Variants in EHD4 observed in about 807,000 individuals in gnomAD.
EHD4 encodes EH domain containing 4, also known as EH domain-containing protein 4.
EHD4 carries 37 observed loss-of-function variants against 51.0 expected under a neutral mutation model. That is an observed-to-expected ratio of 0.73 (90% confidence interval 0.56 to 0.95). The LOEUF is 0.95. Among genes scored for constraint, EHD4 ranks in the 40% least tolerant of loss-of-function variants. The pLI, the probability that EHD4 is intolerant of heterozygous loss-of-function variation, is 0.00. For synonymous variants in EHD4, 297 were observed against 317.3 expected (o/e 0.94, Z 0.68); for missense variants, 632 against 733.1 (o/e 0.86, Z 1.59).
chr15:41,920,765 G>A (rs943855362), intron 3 of EHD4, among the ~76,000 whole-genome samples: 4 of 152,160 alleles, frequency 2.6e-5, no homozygotes, highest in African/African-American at 9.7e-5. Flanking sequence ...TGTCAACACA[G>A]GTAAATCTCC....
intron 3 of EHD4, among the ~76,000 whole-genome samples, chr15:41,938,696 C>T (rs1395351728): frequency 6.6e-6 from 1 of 152,196 alleles, no homozygotes; most frequent in African/African-American, 2.4e-5. Context: ...AAGGGAGAAG[C>T]TGTACTATTT....
chr15:41,932,394 T>C (rs2067705054), intron 3 of EHD4, among the ~76,000 whole-genome samples: 1 of 152,188 alleles, frequency 6.6e-6, no homozygotes. Flanking sequence ...CATTCTTCAC[T>C]ATCTTTTTGT....
chr15:41,901,026 G>A lies in EHD4; in HGVS notation c.1245C>T (p.Gly415=), dbSNP rs368813827. 9.3e-6 allele frequency: 15 copies of A among 1,609,650 alleles called. No homozygotes were observed. Among genetic ancestry groups the A allele is most frequent in the Middle Eastern group, 1.7e-4 (1 of 6,046 alleles). Residue 415 remains glycine, a synonymous_variant, in exon 6 of 6, where the codon GGC becomes GGT. Coordinates refer to ENST00000220325, the MANE Select transcript of EHD4 (RefSeq NM_139265.4). ...TSTPTQLVQG[G]AFDGTTEGPF... Reference sequence around the variant, plus strand: ...GGCCCTCGGTGGTGCCATCGAAGGCGCCGCCCTGCACCAGCTGCGTGGGCG... The same window carrying A: ...GGCCCTCGGTGGTGCCATCGAAGGCACCGCCCTGCACCAGCTGCGTGGGCG...
rs901506464 is a variant in EHD4 at position 41,898,877 on chromosome 15, T to C, written c.*1768A>G. On this transcript the variant is annotated 3_prime_UTR_variant, in exon 6 of 6. Coordinates refer to ENST00000220325, the MANE Select transcript of EHD4 (RefSeq NM_139265.4). The stretch of plus-strand genomic sequence containing the variant: ...TAAAATAATAAATGGTTCTTTTCTA[T>C]GCGTCTAATGAATTTAAGTGCTTGT... 3.3e-5 allele frequency: 5 copies of C among 152,172 alleles called. 1 individual carries two copies. Among genetic ancestry groups the C allele is most frequent in the East Asian group, 1.9e-4 (1 of 5,202 alleles). The allele number at this position is 152,172 out of a possible 1,614,324, so 9.4% of individuals were successfully genotyped here. A position where few individuals can be genotyped will look rare whatever the true frequency, so the allele number is the denominator to read the frequency against.
chr15:41,924,552 A>C lies in EHD4; in HGVS notation c.512-4930T>G, dbSNP rs2067648682. ...AATGCTATCTACTGGTTATTTAAAA[A>C]ATCTTTGTATCCAGTGCCTGGCATA... On this transcript the variant is annotated intron_variant, in intron 3 of 5. Coordinates refer to ENST00000220325, the MANE Select transcript of EHD4 (RefSeq NM_139265.4). Among the ~76,000 whole-genome samples, 3 of 152,314 alleles carry C rather than the reference A, an allele frequency of 2.0e-5. No homozygotes were observed. In the South Asian group the frequency reaches 6.2e-4, roughly 32 times the overall value.
At chr15:41,903,351 C>T (rs1199405687) in intron 5 of EHD4, among the ~76,000 whole-genome samples, 2 of 113,060 alleles carry the variant, frequency 1.8e-5, no homozygotes, top group African/African-American at 3.1e-5. Flanking sequence ...ACAGAAAAAA[C>T]TGGTAAGCAA....
intron 3 of EHD4, among the ~76,000 whole-genome samples, chr15:41,920,695 G>A (rs550069800): frequency 6.6e-6 from 1 of 152,220 alleles, no homozygotes; most frequent in East Asian, 1.9e-4. Flanking sequence ...TTAAAACCAA[G>A]TATCGTTTCT....
Position 41,943,072 on chromosome 15 carries a change from C to T in EHD4, c.506G>A (p.Ser169Asn). The T allele has an allele frequency of 6.4e-7, 1 of 1,573,238 alleles. No individual in the cohort carries two copies. The highest frequency in any genetic ancestry group is 8.6e-7 in the Non-Finnish European group (1 of 1,158,832). The change falls in exon 3 of 6, where the codon AGC (serine) becomes AAC (asparagine). Residue 169 changes from serine to asparagine, a missense_variant. By Grantham distance (46) the Ser-to-Asn change is conservative. Transcript: ENST00000220325. ...GGGCAGGGACAGGCACTGACCTCGG[C>T]TGATGCGCTGCTTCTCCCCAGAAAG... ...GILSGEKQRI[S>N]RGYDFCQVLQ...
intron 1 of EHD4, among the ~76,000 whole-genome samples, chr15:41,969,894 A>C (rs753331622): frequency 2.0e-5 from 3 of 152,180 alleles, no homozygotes; most frequent in Non-Finnish European, 2.9e-5. Context: ...ATGTGCAGGA[A>C]GCCAGGGAGA....
At chr15:41,916,301 C>T (rs746003333) in intron 4 of EHD4, among the ~76,000 whole-genome samples, 1 of 152,188 alleles carries the variant, frequency 6.6e-6, no homozygotes, top group Non-Finnish European at 1.5e-5. Context: ...CAGGTGACTG[C>T]TTTCTGGACT....
intron 2 of EHD4, among the ~76,000 whole-genome samples, chr15:41,945,111 G>A (rs1420668715): frequency 6.6e-6 from 1 of 152,140 alleles, no homozygotes; most frequent in Non-Finnish European, 1.5e-5. Flanking sequence ...TCTCAGTGCC[G>A]TCCCATTCTT....
chr15:41,902,869 A>C (rs1009768137), intron 5 of EHD4, among the ~76,000 whole-genome samples: 9 of 150,138 alleles, frequency 6.0e-5, no homozygotes, highest in African/African-American at 2.2e-4. Context: ...GAGGAAGGGA[A>C]TAATCACATC....
At chr15:41,920,782 G>T (rs966461514) in intron 3 of EHD4, among the ~76,000 whole-genome samples, 6 of 152,160 alleles carry the variant, frequency 3.9e-5, no homozygotes, top group Non-Finnish European at 8.8e-5. Context: ...CTCCAGAAAA[G>T]AACAAGAGTA....
Position 41,902,839 on chromosome 15 carries a change from G to A in EHD4, c.1090-1658C>T, listed in dbSNP as rs112403558. Among the ~76,000 whole-genome samples, 159 of 146,878 alleles carry A rather than the reference G, an allele frequency of 1.1e-3. 3 individuals are homozygous for A. The highest frequency in any genetic ancestry group is 8.8e-3 in the East Asian group (44 of 4,980). On this transcript the variant is annotated intron_variant, in intron 5 of 5. Transcript: ENST00000220325. ...TATATGTATGTATATATATACATATGTATATATATATGTTAGGGAGAGGAA... is the reference window on the plus strand; with the variant it reads ...TATATGTATGTATATATATACATATATATATATATATGTTAGGGAGAGGAA...
intron 5 of EHD4, among the ~76,000 whole-genome samples, chr15:41,903,963 G>C (rs78306941): frequency 0.074 from 11,203 of 151,618 alleles, 477 homozygotes; most frequent in African/African-American, 0.099. Flanking sequence ...AATGCGGCCT[G>C]CACTTCGGGC....
intron 2 of EHD4, among the ~76,000 whole-genome samples, chr15:41,953,501 G>A (rs979290357): frequency 1.3e-5 from 2 of 152,122 alleles, no homozygotes; most frequent in East Asian, 1.9e-4. Context: ...TTACAAGCAC[G>A]AGCCACACAC....
intron 1 of EHD4, among the ~76,000 whole-genome samples, chr15:41,963,468 C>T (rs1188594400): frequency 6.6e-6 from 1 of 151,704 alleles, no homozygotes; most frequent in Non-Finnish European, 1.5e-5. Flanking sequence ...GGCATGGTGG[C>T]CCATGCCTGT....
chr15:41,928,379 T>C (rs1165643823), intron 3 of EHD4: 1 of 152,152 alleles, frequency 6.6e-6, no homozygotes, highest in Admixed American at 6.5e-5. Flanking sequence ...AGAGGTTAAG[T>C]ATCCGACCCA....
At chr15:41,950,930 A>T (rs1185496007) in intron 2 of EHD4, among the ~76,000 whole-genome samples, 1 of 152,232 alleles carries the variant, frequency 6.6e-6, no homozygotes, top group African/African-American at 2.4e-5. Flanking sequence ...GAAATTACGT[A>T]AGTGATGACT....
Sources: allele counts gnomAD v4.1 joint callset (sites outside exome capture counted in the v4.1 genomes callset), GRCh38; gene constraint gnomAD v4.1.1; transcripts MANE v1.5; gene names NCBI Gene and HGNC (gene_info 2026-07-23, HGNC 2026-07-21).